SLIT3: variants seen among roughly 807,000 people sequenced by gnomAD.
The protein encoded by SLIT3 is slit homolog 3 protein.
In SLIT3, 68 loss-of-function variants were observed where a neutral mutation model predicts 184.0. The ratio of observed to expected loss-of-function variants is 0.37; its 90% CI spans 0.30 to 0.45. The LOEUF is 0.45. Among genes scored for constraint, SLIT3 ranks in the 20% least tolerant of loss-of-function variants. The probability of loss-of-function intolerance (pLI) is 1.00; values close to 1 mark genes in which losing one functional copy is unlikely to be tolerated. For missense variants in SLIT3, 1,707 were observed against 2,026.0 expected (o/e 0.84, Z 3.02); for synonymous variants, 831 against 828.6 (o/e 1.00, Z -0.05).
intron 4 of SLIT3, among the ~76,000 whole-genome samples, chr5:169,179,278 T>TTC (rs1206864697): frequency 1.7e-4 from 20 of 118,446 alleles, no homozygotes; most frequent in Non-Finnish European, 2.8e-4. Context: ...TCCTTTTTCT[T>TTC]TTTTTTTTTT....
chr5:169,096,815 T>C (rs1299406937), intron 4 of SLIT3, among the ~76,000 whole-genome samples: 3 of 152,188 alleles, frequency 2.0e-5, no homozygotes, highest in Non-Finnish European at 2.9e-5. Flanking sequence ...AACTCAGTGA[T>C]ATTAAATATT....
chr5:168,868,990 G>T (rs1293159048), intron 5 of SLIT3, among the ~76,000 whole-genome samples: 1 of 152,090 alleles, frequency 6.6e-6, no homozygotes, highest in African/African-American at 2.4e-5. Context: ...GAAGCTTGCA[G>T]GACTCATGGA....
In SLIT3 at chr5:169,226,418, T is replaced by A. The variant is rs192993916; in HGVS notation, c.341+18287A>T. On this transcript the variant is annotated intron_variant, in intron 3 of 35. Transcript: ENST00000519560. Reference sequence around the variant, plus strand: ...CCCACTACCCCCCTACTCAGTCCAGTCACAAAACAAGAGTCCCTGAAGGCC... The same window carrying A: ...CCCACTACCCCCCTACTCAGTCCAGACACAAAACAAGAGTCCCTGAAGGCC... Among the ~76,000 whole-genome samples, 19 of 152,118 alleles carry A rather than the reference T, an allele frequency of 1.2e-4. No homozygotes were observed. The East Asian group carries it at 3.3e-3, about 26-fold the overall frequency.
intron 3 of SLIT3, among the ~76,000 whole-genome samples, chr5:169,195,865 A>T (rs1561730903): frequency 6.6e-6 from 1 of 152,122 alleles, no homozygotes; most frequent in Non-Finnish European, 1.5e-5. Flanking sequence ...TTTTATTTTT[A>T]AAAAATTGCA....
At chr5:169,082,074 A>G (rs918931926) in intron 4 of SLIT3, among the ~76,000 whole-genome samples, 2 of 152,208 alleles carry the variant, frequency 1.3e-5, no homozygotes, top group Non-Finnish European at 2.9e-5. Flanking sequence ...TTATTAGCAC[A>G]TTCTGCAGAT....
chr5:168,682,573 A>G (rs1386221274), intron 32 of SLIT3, among the ~76,000 whole-genome samples: 15 of 152,194 alleles, frequency 9.9e-5, no homozygotes, highest in Non-Finnish European at 1.5e-5. Context: ...GTTTTAACCA[A>G]TGGCTTTCAA....
At chr5:168,880,735 A>G (rs2113784425) in intron 5 of SLIT3, among the ~76,000 whole-genome samples, 1 of 152,316 alleles carries the variant, frequency 6.6e-6, no homozygotes, top group South Asian at 2.1e-4. Flanking sequence ...ACAGACTAAG[A>G]ACCTAGAACA....
intron 4 of SLIT3, among the ~76,000 whole-genome samples, chr5:168,982,722 ACAAT>A (rs1754991923): frequency 6.6e-6 from 1 of 152,164 alleles, no homozygotes; most frequent in Non-Finnish European, 1.5e-5. Context: ...ATTAATTAAG[ACAAT>A]CAAGAGTGGA....
rs774066150 is a variant in SLIT3 at position 168,872,640 on chromosome 5, C to CTTTTTTTT, written c.485+10617_485+10624dup. Among the ~76,000 whole-genome samples, 36 of 112,430 alleles carry CTTTTTTTT rather than the reference C, an allele frequency of 3.2e-4. 1 individual carries two copies. Among genetic ancestry groups the CTTTTTTTT allele is most frequent in the Non-Finnish European group, 5.4e-4 (30 of 55,868 alleles). The allele number at this position is 112,430 out of a possible 152,430, so 73.8% of individuals were successfully genotyped here. On this transcript the variant is annotated intron_variant, in intron 5 of 35. Coordinates refer to ENST00000519560, the MANE Select transcript of SLIT3 (RefSeq NM_003062.4). ...TTCTTCTTTTCTTCTTCTTCTTCTT[C>CTTTTTTTT]TTTTTTTTTTTTTTTTGAGACAGAG...
chr5:168,992,544 C>G (rs1755364843), intron 4 of SLIT3, among the ~76,000 whole-genome samples: 1 of 152,168 alleles, frequency 6.6e-6, no homozygotes, highest in Admixed American at 6.5e-5. Flanking sequence ...TTTTTTAAAG[C>G]AGGGGAACCT....
chr5:169,251,290 C>A, intron 2 of SLIT3, 98 bp downstream of exon 2: 1 of 823,250 alleles, frequency 1.2e-6, no homozygotes, highest in South Asian at 1.4e-5. Context: ...TCCTGTTGTC[C>A]AGGGCTTGGG....
At chr5:168,962,905 T>A (rs1763066164) in intron 4 of SLIT3, among the ~76,000 whole-genome samples, 1 of 152,170 alleles carries the variant, frequency 6.6e-6, no homozygotes, top group African/African-American at 2.4e-5. Flanking sequence ...TCAGCTGAAA[T>A]CACATCTCTT....
chr5:168,838,495 T>C (rs1035787943), intron 6 of SLIT3, among the ~76,000 whole-genome samples: 3 of 152,354 alleles, frequency 2.0e-5, no homozygotes, highest in African/African-American at 7.2e-5. Flanking sequence ...ACCATGGTAC[T>C]ATATATTATC....
intron 4 of SLIT3, among the ~76,000 whole-genome samples, chr5:168,911,280 T>C (rs1761245089): frequency 6.6e-6 from 1 of 152,228 alleles, no homozygotes; most frequent in South Asian, 2.1e-4. Flanking sequence ...TATGGGGTCC[T>C]GGAGCTGCCG....
chr5:168,754,262 C>G (rs1489195852), intron 16 of SLIT3, among the ~76,000 whole-genome samples: 1 of 152,048 alleles, frequency 6.6e-6, no homozygotes, highest in Non-Finnish European at 1.5e-5. Flanking sequence ...ATGAATGGAT[C>G]AAGAAAATGT....
intron 4 of SLIT3, among the ~76,000 whole-genome samples, chr5:168,998,047 C>T (rs1755573615): frequency 6.6e-6 from 1 of 152,156 alleles, no homozygotes; most frequent in Admixed American, 6.5e-5. Context: ...TATTCAAAGC[C>T]AGGTGGAAGC....
At chr5:168,963,106 G>A (rs1763072720) in intron 4 of SLIT3, among the ~76,000 whole-genome samples, 1 of 152,114 alleles carries the variant, frequency 6.6e-6, no homozygotes, top group Admixed American at 6.5e-5. Context: ...TGGCCTACGG[G>A]GCCAATCTGA....
intron 4 of SLIT3, among the ~76,000 whole-genome samples, chr5:168,939,739 G>A (rs1260549865): frequency 6.6e-6 from 1 of 152,146 alleles, no homozygotes; most frequent in East Asian, 1.9e-4. Context: ...AGGGACTTTG[G>A]TACATGAAAT....
intron 5 of SLIT3, among the ~76,000 whole-genome samples, chr5:168,879,784 G>A (rs1200911259): frequency 6.6e-6 from 1 of 152,176 alleles, no homozygotes. Context: ...CACCCAATGT[G>A]ATTACAACCC....
Sources: allele counts gnomAD v4.1 joint callset (sites outside exome capture counted in the v4.1 genomes callset), GRCh38; gene constraint gnomAD v4.1.1; transcripts MANE v1.5; gene names NCBI Gene and HGNC (gene_info 2026-07-23, HGNC 2026-07-21).